Variants in ST18 observed in about 807,000 individuals in gnomAD.
ST18 encodes the protein suppression of tumorigenicity 18 protein.
A neutral mutation model predicts 110.0 loss-of-function variants in ST18; 50 were observed. The ratio of observed to expected loss-of-function variants is 0.45; its 90% CI spans 0.36 to 0.58. The LOEUF is 0.58. ST18 is among the 20% of genes least tolerant of loss of function. The probability of loss-of-function intolerance (pLI) is 0.00; values close to 1 mark genes in which losing one functional copy is unlikely to be tolerated. For synonymous variants in ST18, 461 were observed against 452.4 expected (o/e 1.02, Z -0.24); for missense variants, 1,306 against 1,280.1 (o/e 1.02, Z -0.31).
chr8:52,173,886 G>A (rs1160540375), intron 9 of ST18, among the ~76,000 whole-genome samples: 1 of 152,174 alleles, frequency 6.6e-6, no homozygotes, highest in East Asian at 1.9e-4. Context: ...AAGACAATGT[G>A]TCTTTTTGGT....
At chr8:52,397,957 G>GT (rs892900376) in intron 2 of ST18, among the ~76,000 whole-genome samples, 14 of 151,064 alleles carry the variant, frequency 9.3e-5, no homozygotes, top group East Asian at 7.8e-4. Flanking sequence ...AAATTTTAGA[G>GT]TTTTTTTTTC....
intron 16 of ST18, among the ~76,000 whole-genome samples, chr8:52,144,740 T>C (rs949385659): frequency 6.6e-6 from 1 of 152,144 alleles, no homozygotes; most frequent in African/African-American, 2.4e-5. Flanking sequence ...GTATGCTTGA[T>C]AATAATTCCA....
intron 13 of ST18, among the ~76,000 whole-genome samples, chr8:52,162,360 A>G (rs143238841): frequency 2.1e-3 from 320 of 152,312 alleles, no homozygotes; most frequent in Non-Finnish European, 3.3e-3. Context: ...TATTCTGTTC[A>G]GAAGTGATGC....
At chr8:52,399,038 T>C (rs931018774) in intron 2 of ST18, among the ~76,000 whole-genome samples, 1 of 152,088 alleles carries the variant, frequency 6.6e-6, no homozygotes, top group African/African-American at 2.4e-5. Context: ...GAATGTTTGA[T>C]AGAATTCAGC....
intron 2 of ST18, among the ~76,000 whole-genome samples, chr8:52,348,978 C>T (rs1432983281): frequency 6.6e-6 from 1 of 152,100 alleles, no homozygotes; most frequent in Non-Finnish European, 1.5e-5. Context: ...GTTTTGTACC[C>T]TTTGACCAAC....
chr8:52,332,271 G>A (rs1376427758), intron 2 of ST18, among the ~76,000 whole-genome samples: 1 of 151,910 alleles, frequency 6.6e-6, no homozygotes, highest in East Asian at 1.9e-4. Flanking sequence ...TAATTTTTGA[G>A]CATCATCCCA....
At chr8:52,316,573 TG>T (rs2096031019) in intron 2 of ST18, among the ~76,000 whole-genome samples, 1 of 152,224 alleles carries the variant, frequency 6.6e-6, no homozygotes, top group African/African-American at 2.4e-5. Context: ...ATAAGGATGA[TG>T]GTTATTTTGG....
intron 2 of ST18, among the ~76,000 whole-genome samples, chr8:52,350,712 G>GAT (rs1393347542): frequency 6.6e-6 from 1 of 151,310 alleles, no homozygotes; most frequent in Non-Finnish European, 1.5e-5. Flanking sequence ...CGTGTCACTT[G>GAT]ATATATATAT....
intron 2 of ST18, among the ~76,000 whole-genome samples, chr8:52,379,755 C>A (rs1434293320): frequency 1.3e-5 from 2 of 151,980 alleles, no homozygotes; most frequent in East Asian, 3.9e-4. Flanking sequence ...ACTTACAGAC[C>A]ATACATGGCA....
chr8:52,181,370 A>G (rs2069456683), intron 8 of ST18, among the ~76,000 whole-genome samples: 1 of 152,194 alleles, frequency 6.6e-6, no homozygotes, highest in Admixed American at 6.5e-5. Context: ...GATGGTGCCT[A>G]TTCGTGAAAA....
intron 25 of ST18, among the ~76,000 whole-genome samples, chr8:52,115,669 C>A (rs1275899781): frequency 6.6e-6 from 1 of 152,160 alleles, no homozygotes; most frequent in Non-Finnish European, 1.5e-5. Context: ...GTTCACACAA[C>A]ATCAAAATTG....
intron 2 of ST18, among the ~76,000 whole-genome samples, chr8:52,254,576 G>A (rs1290836320): frequency 6.6e-6 from 1 of 152,084 alleles, no homozygotes; most frequent in Non-Finnish European, 1.5e-5. Flanking sequence ...CAGTCATCAT[G>A]CAAATGAGAT....
intron 2 of ST18, among the ~76,000 whole-genome samples, chr8:52,303,025 A>G (rs1052949147): frequency 2.0e-5 from 3 of 152,228 alleles, no homozygotes; most frequent in Non-Finnish European, 2.9e-5. Flanking sequence ...CTTATTTATT[A>G]AAAAGGAAAA....
intron 2 of ST18, among the ~76,000 whole-genome samples, chr8:52,234,182 A>G (rs1369709567): frequency 6.6e-6 from 1 of 152,178 alleles, no homozygotes; most frequent in Non-Finnish European, 1.5e-5. Flanking sequence ...GCCTTTAAAG[A>G]TCTAATTTAT....
intron 16 of ST18, among the ~76,000 whole-genome samples, chr8:52,149,056 G>A (rs113044748): frequency 2.0e-5 from 3 of 152,280 alleles, no homozygotes; most frequent in African/African-American, 4.8e-5. Flanking sequence ...CAGTTCTTTC[G>A]AATGACACTG....
chr8:52,350,276 C>A (rs1034200772), intron 2 of ST18, among the ~76,000 whole-genome samples: 3 of 152,150 alleles, frequency 2.0e-5, no homozygotes, highest in African/African-American at 7.2e-5. Flanking sequence ...CTATGACGGA[C>A]AGAGGGACAC....
intron 25 of ST18, 78 bp downstream of exon 25, chr8:52,116,197 T>C (rs1310907735): frequency 6.5e-7 from 1 of 1,533,808 alleles, no homozygotes; most frequent in Non-Finnish European, 8.8e-7. Flanking sequence ...AGCTCAGTCG[T>C]GGCAACCCCG....
intron 2 of ST18, among the ~76,000 whole-genome samples, chr8:52,378,414 G>A (rs1353644521): frequency 6.6e-6 from 1 of 152,068 alleles, no homozygotes; most frequent in Non-Finnish European, 1.5e-5. Context: ...TTAAAAAAGA[G>A]CAATGAGCTA....
At chr8:52,408,937 T>C (rs2141200373) in intron 2 of ST18, 1 of 152,368 alleles carries the variant, frequency 6.6e-6, no homozygotes, top group Admixed American at 6.5e-5. Context: ...AAGTGATGTT[T>C]TTAAAAATCC....
Sources: gnomAD v4.1 joint callset for allele counts (sites outside exome capture counted in the v4.1 genomes callset) on GRCh38, gnomAD v4.1.1 for gene constraint, MANE v1.5 for transcripts, NCBI Gene and HGNC (gene_info 2026-07-23, HGNC 2026-07-21) for gene names.